LRRC37A2: variants seen among roughly 807,000 people sequenced by gnomAD.
LRRC37A2 encodes leucine rich repeat containing 37 member A2.
In LRRC37A2, 9 loss-of-function variants were observed where a neutral mutation model predicts 68.8. The observed-to-expected ratio is 0.13, with a 90% CI of 0.08 to 0.23. LRRC37A2 has a LOEUF of 0.23. Ranked by LOEUF, LRRC37A2 falls within the 10% of genes least tolerant of loss-of-function variation. LRRC37A2 has a pLI of 1.00. For missense variants in LRRC37A2, 168 were observed against 950.4 expected (o/e 0.18, Z 10.82); for synonymous variants, 63 against 367.6 (o/e 0.17, Z 9.48).
the LRRC37A2 span, among the ~76,000 whole-genome samples, chr17:46,774,094 C>T: frequency 3.9e-5 from 6 of 152,232 alleles, no homozygotes; most frequent in African/African-American, 1.4e-4. Context: ...CTCTGACCCA[C>T]GCAAGTCAGC....
the LRRC37A2 span, among the ~76,000 whole-genome samples, chr17:46,734,928 G>GT: frequency 6.6e-6 from 1 of 152,098 alleles, no homozygotes; most frequent in African/African-American, 2.4e-5. Context: ...GTGAGCATCC[G>GT]TAGACCCAGC....
At chr17:46,732,047 T>C in the LRRC37A2 span, among the ~76,000 whole-genome samples, 219 of 152,308 alleles carry the variant, frequency 1.4e-3, no homozygotes, top group African/African-American at 4.9e-3. Flanking sequence ...TTTCAGATGT[T>C]TTTAATTAAA....
chr17:46,816,475 G>GCGCA, the LRRC37A2 span, among the ~76,000 whole-genome samples: 62 of 144,364 alleles, frequency 4.3e-4, no homozygotes, highest in East Asian at 1.7e-3. Flanking sequence ...CAGAACACAC[G>GCGCA]CACACACACA....
chr17:47,025,865 T>C, the LRRC37A2 span, among the ~76,000 whole-genome samples: 8,378 of 116,598 alleles, frequency 0.072, 386 homozygotes, highest in Middle Eastern at 0.13. Context: ...ACGTTTCCTT[T>C]AAAATAGTTA....
the LRRC37A2 span, among the ~76,000 whole-genome samples, chr17:46,892,523 C>T: frequency 1.3e-5 from 2 of 152,240 alleles, no homozygotes; most frequent in Non-Finnish European, 2.9e-5. Context: ...CTCTTCTGAG[C>T]TTCCACCATC....
At chr17:46,966,204 A>G in the LRRC37A2 span, among the ~76,000 whole-genome samples, 1 of 152,228 alleles carries the variant, frequency 6.6e-6, no homozygotes, top group African/African-American at 2.4e-5. Flanking sequence ...CAACATCTCA[A>G]ATAATGAGAC....
chr17:46,852,124 C>A, the LRRC37A2 span, among the ~76,000 whole-genome samples: 1 of 152,240 alleles, frequency 6.6e-6, no homozygotes, highest in Non-Finnish European at 1.5e-5. Flanking sequence ...TCCGGCGAGC[C>A]GTCCTTGCCT....
chr17:46,854,981 T>C, the LRRC37A2 span, among the ~76,000 whole-genome samples: 1 of 152,140 alleles, frequency 6.6e-6, no homozygotes, highest in South Asian at 2.1e-4. Flanking sequence ...CATACAGCCA[T>C]CTCTCTCATC....
chr17:46,818,986 C>T, the LRRC37A2 span, among the ~76,000 whole-genome samples: 5 of 152,170 alleles, frequency 3.3e-5, no homozygotes, highest in African/African-American at 1.2e-4. Flanking sequence ...CGCGGTCCCC[C>T]GCTGGCCAGG....
chr17:46,914,010 C>T, the LRRC37A2 span, among the ~76,000 whole-genome samples: 33 of 152,172 alleles, frequency 2.2e-4, no homozygotes, highest in Non-Finnish European at 3.8e-4. Flanking sequence ...CCGCTTGCCT[C>T]GGCCTCCCAA....
the LRRC37A2 span, chr17:47,017,221 C>T: frequency 1.1e-5 from 17 of 1,611,762 alleles, no homozygotes; most frequent in Middle Eastern, 2.2e-4. Context: ...CCGGCACTAG[C>T]GTGTGTCATG....
chr17:46,886,815 TG>T, the LRRC37A2 span: 1 of 153,458 alleles, frequency 6.5e-6, no homozygotes, highest in Non-Finnish European at 1.4e-5. Context: ...CTGTTTTTTT[TG>T]TTTGTTTGTT....
At chr17:46,823,820 G>A in the LRRC37A2 span, among the ~76,000 whole-genome samples, 46 of 152,298 alleles carry the variant, frequency 3.0e-4, no homozygotes, top group African/African-American at 7.7e-4. Flanking sequence ...GGCACTGGCC[G>A]GTTGCCTGTC....
the LRRC37A2 span, chr17:46,931,380 A>T: frequency 1.6e-6 from 1 of 631,338 alleles, no homozygotes; most frequent in African/African-American, 1.8e-5. Flanking sequence ...GATGCCGCTC[A>T]AAATAAATAG....
chr17:46,974,268 C>T, the LRRC37A2 span, among the ~76,000 whole-genome samples: 10 of 152,358 alleles, frequency 6.6e-5, no homozygotes, highest in South Asian at 6.2e-4. Flanking sequence ...GTCTGCCATC[C>T]GTTGCTCACC....
At chr17:46,945,115 G>C in the LRRC37A2 span, among the ~76,000 whole-genome samples, 7 of 152,222 alleles carry the variant, frequency 4.6e-5, no homozygotes, top group African/African-American at 7.2e-5. Context: ...GAGGTGATGG[G>C]TGTGTGAAGG....
chr17:46,918,905 T>C, the LRRC37A2 span, among the ~76,000 whole-genome samples: 7 of 152,218 alleles, frequency 4.6e-5, no homozygotes, highest in African/African-American at 1.2e-4. Context: ...TGGGATGTTT[T>C]CCCCACTGGC....
chr17:46,703,505 AC>A, the LRRC37A2 span, among the ~76,000 whole-genome samples: 3 of 135,430 alleles, frequency 2.2e-5, no homozygotes, highest in Non-Finnish European at 3.1e-5. Flanking sequence ...ATATGGTGAA[AC>A]CCTGTCTCTA....
chr17:46,812,138 C>T, the LRRC37A2 span, among the ~76,000 whole-genome samples: 1 of 152,164 alleles, frequency 6.6e-6, no homozygotes, highest in Admixed American at 6.5e-5. Flanking sequence ...CCTCTTTTCC[C>T]ACCTTCTCCA....
Sources: gnomAD v4.1 joint callset for allele counts (sites outside exome capture counted in the v4.1 genomes callset) on GRCh38, gnomAD v4.1.1 for gene constraint, MANE v1.5 for transcripts, NCBI Gene and HGNC (gene_info 2026-07-23, HGNC 2026-07-21) for gene names.